GRID2: variants seen among roughly 807,000 people sequenced by gnomAD.
The protein encoded by GRID2 is glutamate receptor ionotropic, delta-2.
A neutral mutation model predicts 114.8 loss-of-function variants in GRID2; 33 were observed. That is an observed-to-expected ratio of 0.29 (90% CI 0.22 to 0.38). GRID2 has a LOEUF of 0.38. GRID2 is among the 10% of genes least tolerant of loss of function. The pLI is 1.00. For synonymous variants in GRID2, 505 were observed against 449.9 expected (o/e 1.12, Z -1.55); for missense variants, 1,184 against 1,257.7 (o/e 0.94, Z 0.89).
chr4:93,630,373 T>A (rs1743136169), intron 14 of GRID2, among the ~76,000 whole-genome samples: 1 of 152,176 alleles, frequency 6.6e-6, no homozygotes, highest in African/African-American at 2.4e-5. Flanking sequence ...GAAAACTGAA[T>A]TTTTCGGGTT....
chr4:93,394,283 T>A (rs1319283181), intron 8 of GRID2, among the ~76,000 whole-genome samples: 1 of 152,032 alleles, frequency 6.6e-6, no homozygotes, highest in African/African-American at 2.4e-5. Context: ...GAATGACATA[T>A]CATTGTATGA....
chr4:92,730,867 C>T (rs1041415246), intron 2 of GRID2, among the ~76,000 whole-genome samples: 2 of 151,896 alleles, frequency 1.3e-5, no homozygotes, highest in Non-Finnish European at 2.9e-5. Flanking sequence ...AGAAATCTAA[C>T]TCATCTATCT....
rs1157756026 is a variant in GRID2 at position 93,744,739 on chromosome 4, C to G, written c.2361-24471C>G. On this transcript the variant is annotated intron_variant, in intron 14 of 15. Coordinates refer to ENST00000282020, the MANE Select transcript of GRID2 (RefSeq NM_001510.4). Reference sequence around the variant, plus strand: ...AGAGGGCTGACTCCATTTCAAAAGACATTCTACTGTGGATAAAATGCTATC... The same window carrying G: ...AGAGGGCTGACTCCATTTCAAAAGAGATTCTACTGTGGATAAAATGCTATC... Among the ~76,000 whole-genome samples, 7 of 152,170 alleles carry G rather than the reference C, an allele frequency of 4.6e-5. No individual in the cohort carries two copies. In the East Asian group the frequency reaches 1.3e-3, roughly 29 times the overall value.
chr4:93,015,294 A>G (rs1379852480), intron 2 of GRID2, among the ~76,000 whole-genome samples: 3 of 152,132 alleles, frequency 2.0e-5, no homozygotes, highest in African/African-American at 4.8e-5. Context: ...GAGAGAGACA[A>G]TCTTGAGAAA....
chr4:93,789,987 G>A (rs1578796480), intron 1 of GRID2, among the ~76,000 whole-genome samples: 1 of 152,130 alleles, frequency 6.6e-6, no homozygotes, highest in African/African-American at 2.4e-5. Context: ...CTGCACATGT[G>A]AGGGATCTAG....
At chr4:93,349,880 T>C (rs1488077847) in intron 8 of GRID2, among the ~76,000 whole-genome samples, 1 of 152,066 alleles carries the variant, frequency 6.6e-6, no homozygotes, top group Non-Finnish European at 1.5e-5. Flanking sequence ...TTAATTATGA[T>C]AAAATAAATA....
chr4:92,944,923 G>A (rs1012623975), intron 2 of GRID2, among the ~76,000 whole-genome samples: 1 of 152,084 alleles, frequency 6.6e-6, no homozygotes, highest in Non-Finnish European at 1.5e-5. Context: ...TTATGCATGG[G>A]ATATAAGCAA....
At position 92,921,137 on chromosome 4, in the gene GRID2, G is replaced by A. The variant is rs963709627; in HGVS notation, c.245-163858G>A. On this transcript the variant is annotated intron_variant, in intron 2 of 15. Coordinates refer to ENST00000282020, the MANE Select transcript of GRID2 (RefSeq NM_001510.4). ...CTGATACCCTTTCTTCCAGTTGATCGCGTCGGCTACTGAGGCTTGTACATT... is the reference window on the plus strand; with the variant it reads ...CTGATACCCTTTCTTCCAGTTGATCACGTCGGCTACTGAGGCTTGTACATT... 3.3e-5 allele frequency among the ~76,000 whole-genome samples: 5 copies of A among 151,818 alleles called. No homozygotes were observed. The South Asian group carries it at 6.2e-4, about 19-fold the overall frequency.
In GRID2 at chr4:93,626,292, C is replaced by T. The variant is rs780649095; in HGVS notation, c.2217C>T (p.Phe739=). Reference sequence around the variant, plus strand: ...AGGTAAAATATGGAAATTATGCTTTCGTATGGGATGCAGCTGTATTGGAAT... The same window carrying T: ...AGGTAAAATATGGAAATTATGCTTTTGTATGGGATGCAGCTGTATTGGAAT... ...IQKVKYGNYA[F]VWDAAVLEYV... Residue 739 remains phenylalanine, a synonymous_variant, in exon 14 of 16, where the codon TTC becomes TTT. Transcript: ENST00000282020. The T allele has an allele frequency of 7.5e-6, 12 of 1,594,004 alleles. No homozygotes were observed. The African/African-American group carries it at 8.1e-5, about 11-fold the overall frequency.
intron 7 of GRID2, 42 bp downstream of exon 7, chr4:93,224,817 TTATTTGACA>T: frequency 7.3e-7 from 1 of 1,377,722 alleles, no homozygotes; most frequent in Non-Finnish European, 1.0e-6. Flanking sequence ...TGGTAAATAA[TTATTTGACA>T]TATTTTAGAA....
At chr4:93,551,150 T>C (rs546104704) in intron 13 of GRID2, among the ~76,000 whole-genome samples, 1 of 152,352 alleles carries the variant, frequency 6.6e-6, no homozygotes, top group African/African-American at 2.4e-5. Flanking sequence ...GGAATGTTAA[T>C]AGTTACCATT....
intron 14 of GRID2, among the ~76,000 whole-genome samples, chr4:93,694,411 A>C (rs1385061574): frequency 6.6e-6 from 1 of 152,186 alleles, no homozygotes; most frequent in East Asian, 1.9e-4. Flanking sequence ...TTTACAGCTT[A>C]CTTGCTACGC....
At chr4:93,276,097 G>A (rs1325917064) in intron 8 of GRID2, among the ~76,000 whole-genome samples, 3 of 151,806 alleles carry the variant, frequency 2.0e-5, no homozygotes, top group Admixed American at 6.6e-5. Flanking sequence ...CTTACATTTA[G>A]GTCTATGATA....
intron 3 of GRID2, among the ~76,000 whole-genome samples, chr4:93,088,708 T>C (rs1353441671): frequency 6.6e-6 from 1 of 152,136 alleles, no homozygotes; most frequent in East Asian, 1.9e-4. Flanking sequence ...TTTTAATTTG[T>C]CAGACACTAG....
At chr4:92,604,527 C>A (rs1383447142) in intron 2 of GRID2, among the ~76,000 whole-genome samples, 2 of 134,884 alleles carry the variant, frequency 1.5e-5, no homozygotes, top group Non-Finnish European at 3.4e-5. Flanking sequence ...AGGGAGGGGA[C>A]TTTTGGGGGT....
chr4:92,482,297 G>A (rs993559648), intron 1 of GRID2, among the ~76,000 whole-genome samples: 3 of 151,608 alleles, frequency 2.0e-5, no homozygotes, highest in African/African-American at 7.3e-5. Flanking sequence ...TGGGAACAAT[G>A]GGAGCAATAG....
At chr4:93,250,440 C>A (rs1250703151) in intron 8 of GRID2, among the ~76,000 whole-genome samples, 1 of 151,760 alleles carries the variant, frequency 6.6e-6, no homozygotes, top group Non-Finnish European at 1.5e-5. Flanking sequence ...CATGTGTATA[C>A]CTATGTAACA....
At chr4:93,804,799 C>G (rs1472456324) in intron 1 of GRID2, among the ~76,000 whole-genome samples, 2 of 152,200 alleles carry the variant, frequency 1.3e-5, no homozygotes, top group African/African-American at 4.8e-5. Flanking sequence ...TCCCATAAAA[C>G]CAGTCCTACC....
intron 4 of GRID2, among the ~76,000 whole-genome samples, chr4:93,163,898 C>T (rs1452017351): frequency 2.0e-5 from 3 of 151,928 alleles, no homozygotes; most frequent in Non-Finnish European, 4.4e-5. Flanking sequence ...CATGGAGACT[C>T]AGAATACATT....
Sources: gnomAD v4.1 joint callset for allele counts (sites outside exome capture counted in the v4.1 genomes callset) on GRCh38, gnomAD v4.1.1 for gene constraint, MANE v1.5 for transcripts, NCBI Gene and HGNC (gene_info 2026-07-23, HGNC 2026-07-21) for gene names.